ZNF407: variants seen among roughly 807,000 people sequenced by gnomAD.
The protein encoded by ZNF407 is zinc finger protein 407.
Under a neutral mutation model 131.2 loss-of-function variants are expected in ZNF407, and 17 were observed. That is an observed-to-expected ratio of 0.13 (90% CI 0.09 to 0.19). ZNF407 has a LOEUF of 0.19. Among genes scored for constraint, ZNF407 ranks in the 10% least tolerant of loss-of-function variants. ZNF407 has a pLI of 1.00. For synonymous variants in ZNF407, 1,156 were observed against 1,062.0 expected, an observed-to-expected ratio of 1.09 and a Z score of -1.72; for missense variants, 2,681 against 2,830.6, an observed-to-expected ratio of 0.95 and a Z score of 1.20.
At chr18:74,875,168 A>G (rs528699612) in intron 4 of ZNF407, among the ~76,000 whole-genome samples, 1 of 152,208 alleles carries the variant, frequency 6.6e-6, no homozygotes, top group Admixed American at 6.5e-5. Context: ...CTTTATAAGG[A>G]CAGTTTACAT....
intron 3 of ZNF407, among the ~76,000 whole-genome samples, chr18:74,741,966 C>T (rs1968561214): frequency 1.3e-5 from 2 of 152,072 alleles, no homozygotes; most frequent in South Asian, 4.1e-4. Flanking sequence ...GTGGTTCTTG[C>T]CTAGAATTTT....
chr18:74,928,528 A>G (rs1599248858), intron 8 of ZNF407, among the ~76,000 whole-genome samples: 1 of 152,322 alleles, frequency 6.6e-6, no homozygotes, highest in East Asian at 1.9e-4. Context: ...AATTTTCCCA[A>G]TAAGAGATGG....
chr18:75,012,895 T>A (rs1972997111), intron 8 of ZNF407, among the ~76,000 whole-genome samples: 1 of 151,908 alleles, frequency 6.6e-6, no homozygotes, highest in African/African-American at 2.4e-5. Flanking sequence ...TTTTTTGTTT[T>A]GTTTTGTTTT....
At chr18:74,638,504 T>A (rs947385143) in intron 2 of ZNF407, among the ~76,000 whole-genome samples, 7 of 152,226 alleles carry the variant, frequency 4.6e-5, no homozygotes, top group African/African-American at 1.7e-4. Flanking sequence ...TTTGGTATTT[T>A]CTCTTTAATG....
At chr18:74,992,042 T>C (rs371002643) in intron 8 of ZNF407, among the ~76,000 whole-genome samples, 3 of 152,236 alleles carry the variant, frequency 2.0e-5, no homozygotes, top group African/African-American at 7.2e-5. Flanking sequence ...ACAATGGAAC[T>C]GCCACAGCCA....
chr18:75,063,269 C>T lies in ZNF407; in HGVS notation c.5548C>T (p.Leu1850Phe). The T allele has an allele frequency of 6.2e-7, 1 of 1,613,692 alleles. No individual in the cohort carries two copies. Among genetic ancestry groups the T allele is most frequent in the African/African-American group, 1.3e-5 (1 of 75,048 alleles). The change falls in exon 9 of 9, where the codon CTC (leucine) becomes TTC (phenylalanine). Residue 1850 changes from leucine to phenylalanine, a missense_variant. Transcript: ENST00000299687. The surrounding 1 kb of genome is among the most constrained non-coding windows in gnomAD (Gnocchi z 6.6). Reference sequence around the variant, plus strand: ...AGAGCCCCTCGTCAAGGAGAAGCCCCTCAGAAGCAGCAGGAGGCCAGCGCC... The same window carrying T: ...AGAGCCCCTCGTCAAGGAGAAGCCCTTCAGAAGCAGCAGGAGGCCAGCGCC... ...AEEPLVKEKPLRSSRRPAPPP... is the reference protein window; with the variant it reads ...AEEPLVKEKPFRSSRRPAPPP...
chr18:74,692,122 G>GT (rs1568168978), intron 3 of ZNF407, among the ~76,000 whole-genome samples: 18 of 150,900 alleles, frequency 1.2e-4, no homozygotes, highest in Admixed American at 2.0e-4. Context: ...TGCGTGTGTG[G>GT]GTGTGTGTGT....
At chr18:74,951,045 T>C (rs891821003) in intron 8 of ZNF407, among the ~76,000 whole-genome samples, 1 of 152,200 alleles carries the variant, frequency 6.6e-6, no homozygotes, top group Non-Finnish European at 1.5e-5. Context: ...ATATTAAATA[T>C]TACAATGAAG....
chr18:74,781,090 G>A (rs987828829), intron 3 of ZNF407, among the ~76,000 whole-genome samples: 2 of 151,940 alleles, frequency 1.3e-5, no homozygotes, highest in African/African-American at 4.8e-5. Context: ...TGAAGTGTGC[G>A]ATGACCTAGG....
intron 8 of ZNF407, among the ~76,000 whole-genome samples, chr18:74,996,629 TCTG>T (rs1309682057): frequency 6.6e-6 from 1 of 152,194 alleles, no homozygotes; most frequent in African/African-American, 2.4e-5. Context: ...GGTTACAACT[TCTG>T]CTGATGAAGA....
intron 3 of ZNF407, among the ~76,000 whole-genome samples, chr18:74,682,038 A>G (rs1966997791): frequency 6.6e-6 from 1 of 152,228 alleles, no homozygotes; most frequent in South Asian, 2.1e-4. Flanking sequence ...GAGGAAATTC[A>G]TCTAAGATTA....
chr18:74,991,406 A>G (rs1015502645), intron 8 of ZNF407, among the ~76,000 whole-genome samples: 13 of 152,204 alleles, frequency 8.5e-5, no homozygotes, highest in South Asian at 2.1e-4. Context: ...TGTGGCACCA[A>G]TAAAATTTTG....
chr18:74,780,645 AT>A (rs1178925856), intron 3 of ZNF407, among the ~76,000 whole-genome samples: 2 of 151,950 alleles, frequency 1.3e-5, no homozygotes, highest in South Asian at 2.1e-4. Flanking sequence ...ACAGCAGTAA[AT>A]TTTTTTTCTG....
chr18:75,015,358 A>T (rs2122190444), intron 8 of ZNF407, among the ~76,000 whole-genome samples: 1 of 151,856 alleles, frequency 6.6e-6, no homozygotes, highest in African/African-American at 2.4e-5. Flanking sequence ...ATTTGAAAAC[A>T]AGAAGACACA....
intron 4 of ZNF407, among the ~76,000 whole-genome samples, chr18:74,786,793 GTTTTTTTTTTTTT>G (rs869103622): frequency 6.7e-5 from 6 of 89,348 alleles, no homozygotes; most frequent in African/African-American, 1.3e-4. Flanking sequence ...AAAAAAGTAT[GTTTTTTTTTTTTT>G]TTTTTTTTTT....
chr18:74,808,834 A>G (rs1274588190), intron 4 of ZNF407, among the ~76,000 whole-genome samples: 1 of 152,242 alleles, frequency 6.6e-6, no homozygotes, highest in African/African-American at 2.4e-5. Context: ...ATAGTACCCA[A>G]TAAAAAAGCT....
Position 75,025,377 on chromosome 18 carries a change from A to G in ZNF407, c.5429-37773A>G, listed in dbSNP as rs1973159158. 2.0e-5 allele frequency among the ~76,000 whole-genome samples: 3 copies of G among 152,262 alleles called. 1 individual carries two copies. Among genetic ancestry groups the G allele is most frequent in the African/African-American group, 7.2e-5 (3 of 41,472 alleles). ...ATTTTCATAAACTTTGAACAATGTC[A>G]GTGAGACACCTCTTCAATCTTGGCC... On this transcript the variant is annotated intron_variant, in intron 8 of 8. Transcript: ENST00000299687.
chr18:74,957,796 A>G (rs1972293604), intron 8 of ZNF407, among the ~76,000 whole-genome samples: 1 of 152,206 alleles, frequency 6.6e-6, no homozygotes, highest in African/African-American at 2.4e-5. Flanking sequence ...TTCAAGATGT[A>G]ATGAGGTCAT....
At chr18:75,013,062 A>G (rs1202166256) in intron 8 of ZNF407, among the ~76,000 whole-genome samples, 1 of 151,810 alleles carries the variant, frequency 6.6e-6, no homozygotes, top group Non-Finnish European at 1.5e-5. Context: ...ATGCCCATAG[A>G]GTTTGAAACT....
Sources: gnomAD v4.1 joint callset for allele counts (sites outside exome capture counted in the v4.1 genomes callset) on GRCh38, gnomAD v4.1.1 for gene constraint, Gnocchi (gnomAD v3.1) non-coding constraint, MANE v1.5 for transcripts, NCBI Gene and HGNC (gene_info 2026-07-23, HGNC 2026-07-21) for gene names.